Variants in STK3 observed in about 807,000 individuals in gnomAD.
The protein encoded by STK3 is serine/threonine-protein kinase 3.
STK3 carries 41 observed loss-of-function variants against 58.0 expected under a neutral mutation model. That is an observed-to-expected ratio of 0.71 (90% CI 0.55 to 0.92). The LOEUF (loss-of-function observed/expected upper bound fraction) is 0.92, where lower values mean the gene tolerates loss of function less well. STK3 is among the 40% of genes least tolerant of loss of function. The probability of loss-of-function intolerance (pLI) is 0.00; values close to 1 mark genes in which losing one functional copy is unlikely to be tolerated. For missense variants in STK3, 479 were observed against 602.7 expected, an observed-to-expected ratio of 0.79 and a Z score of 2.15; for synonymous variants, 170 against 191.0, an observed-to-expected ratio of 0.89 and a Z score of 0.91.
Position 98,739,338 on chromosome 8 carries a change from C to A in STK3, c.351+9938G>T, listed in dbSNP as rs553465189. 3.9e-5 allele frequency among the ~76,000 whole-genome samples: 6 copies of A among 152,254 alleles called. No homozygotes were observed. In the South Asian group the frequency reaches 1.2e-3, roughly 32 times the overall value. On this transcript the variant is annotated intron_variant, in intron 4 of 10. Transcript: ENST00000419617. ...ACCCTGGAGCAGCCTAACTGGGAGG[C>A]ACCCCCAAGTAGGGGCAGACTGACA...
chr8:98,737,820 G>C (rs1019126220), intron 4 of STK3, among the ~76,000 whole-genome samples: 16 of 152,060 alleles, frequency 1.1e-4, no homozygotes, highest in African/African-American at 3.9e-4. Flanking sequence ...AGATTCTCCT[G>C]CCTCAGCCTC....
chr8:98,487,239 A>C (rs1450768426), intron 10 of STK3, among the ~76,000 whole-genome samples: 2 of 152,248 alleles, frequency 1.3e-5, no homozygotes, highest in Non-Finnish European at 2.9e-5. Flanking sequence ...AGTGCCACAC[A>C]GTATAAAGGA....
At chr8:98,826,681 T>A (rs1835323304), upstream of STK3, among the ~76,000 whole-genome samples, 1 of 152,282 alleles carries the variant, frequency 6.6e-6, no homozygotes, top group Admixed American at 6.5e-5. Context: ...TATATACCTT[T>A]CACATAACAA....
At chr8:98,534,546 A>T (rs1205414571) in intron 9 of STK3, among the ~76,000 whole-genome samples, 38 of 152,238 alleles carry the variant, frequency 2.5e-4, no homozygotes, top group Admixed American at 2.5e-3. Flanking sequence ...AAAAATAAAG[A>T]TATGGTGTCT....
At chr8:98,782,447 G>C in intron 1 of STK3, 1 of 253,866 alleles carries the variant, frequency 3.9e-6, no homozygotes, top group Non-Finnish European at 8.0e-6. Flanking sequence ...AAAACAGGTG[G>C]ATTCTCATGG....
At chr8:98,876,035 G>A (rs75835911) in intron 3 of STK3, among the ~76,000 whole-genome samples, 7,017 of 152,222 alleles carry the variant, frequency 0.046, 176 homozygotes, top group African/African-American at 0.059. Flanking sequence ...AGAGTCATAG[G>A]AAACTTCCAC....
At chr8:98,445,329 G>A (rs570758670) in intron 1 of STK3, among the ~76,000 whole-genome samples, 82 of 152,124 alleles carry the variant, frequency 5.4e-4, no homozygotes, top group African/African-American at 1.6e-3. Context: ...GAAATGTCAC[G>A]CAAACTACAA....
intron 3 of STK3, among the ~76,000 whole-genome samples, chr8:98,853,008 A>T (rs1836534400): frequency 1.3e-5 from 2 of 152,132 alleles, no homozygotes; most frequent in South Asian, 4.1e-4. Context: ...ATATGAAAAA[A>T]AATTTCTTCT....
At chr8:98,346,916 TATC>T in the STK3 span, among the ~76,000 whole-genome samples, 2 of 151,976 alleles carry the variant, frequency 1.3e-5, no homozygotes, top group African/African-American at 4.8e-5. Context: ...AACTTTTCCT[TATC>T]ATTTAAATGC....
intron 10 of STK3, among the ~76,000 whole-genome samples, chr8:98,475,485 A>G (rs1241069110): frequency 1.3e-5 from 2 of 152,216 alleles, no homozygotes; most frequent in Admixed American, 1.3e-4. Flanking sequence ...TGTTCTGAAG[A>G]CTAGTTTTTT....
At chr8:98,346,697 C>T in the STK3 span, among the ~76,000 whole-genome samples, 34 of 151,796 alleles carry the variant, frequency 2.2e-4, no homozygotes, top group African/African-American at 2.4e-5. Context: ...GAATACTATA[C>T]TCAGCAAAGC....
At chr8:98,346,307 A>T in the STK3 span, among the ~76,000 whole-genome samples, 1 of 151,558 alleles carries the variant, frequency 6.6e-6, no homozygotes, top group African/African-American at 2.4e-5. Flanking sequence ...AAAAATGTTA[A>T]CAGAGCATCA....
At chr8:98,675,687 C>T (rs1371349149) in intron 6 of STK3, among the ~76,000 whole-genome samples, 1 of 151,870 alleles carries the variant, frequency 6.6e-6, no homozygotes, top group Non-Finnish European at 1.5e-5. Context: ...ACGGTGAAAC[C>T]CCCTCTCTAC....
the STK3 span, among the ~76,000 whole-genome samples, chr8:98,360,246 G>T: frequency 9.2e-5 from 14 of 152,128 alleles, no homozygotes; most frequent in Non-Finnish European, 1.9e-4. Context: ...CCCCAAAACT[G>T]GGAGGGACAC....
chr8:98,835,384 G>T (rs993267953), intron 3 of STK3, among the ~76,000 whole-genome samples: 2 of 152,280 alleles, frequency 1.3e-5, no homozygotes, highest in African/African-American at 2.4e-5. Context: ...AAAAGAAAAA[G>T]GTTTCCTTCC....
chr8:98,432,057 C>T (rs1818342139), intron 3 of STK3: 1 of 167,056 alleles, frequency 6.0e-6, no homozygotes, highest in African/African-American at 2.4e-5. Flanking sequence ...ATCTTCCTCT[C>T]CCCTAAAGTC....
intron 2 of STK3, among the ~76,000 whole-genome samples, chr8:98,436,439 T>C (rs1818493254): frequency 1.3e-5 from 2 of 152,304 alleles, no homozygotes; most frequent in African/African-American, 4.8e-5. Context: ...ACTCCAAACT[T>C]GCTCTTCCTT....
chr8:98,772,677 C>T (rs902926486), intron 2 of STK3, among the ~76,000 whole-genome samples: 2 of 151,892 alleles, frequency 1.3e-5, no homozygotes, highest in African/African-American at 4.8e-5. Context: ...GGCTGGATGA[C>T]GAGAGTGAAA....
At chr8:98,916,202 G>A (rs28480982) in intron 1 of STK3, among the ~76,000 whole-genome samples, 2,282 of 152,234 alleles carry the variant, frequency 0.015, 59 homozygotes, top group African/African-American at 0.051. Context: ...ATCACTTGAG[G>A]TCAGGAGTTC....
Sources: allele counts gnomAD v4.1 joint callset (sites outside exome capture counted in the v4.1 genomes callset), GRCh38; gene constraint gnomAD v4.1.1; transcripts MANE v1.5; gene names NCBI Gene and HGNC (gene_info 2026-07-23, HGNC 2026-07-21).